The following UNC93A variants were observed in gnomAD, a reference collection of about 807,000 sequenced individuals.
UNC93A encodes the protein unc-93 homolog A, also known as N-acetylglucosamine transporter UNC93A.
Under a neutral mutation model 47.5 loss-of-function variants are expected in UNC93A, and 43 were observed. That is an observed-to-expected ratio of 0.91 (90% CI 0.71 to 1.17). The LOEUF is 1.17. Ranked by LOEUF, UNC93A falls within the 50% of genes most tolerant of loss-of-function variation. The pLI is 0.00. For synonymous variants in UNC93A, 280 were observed against 258.0 expected, an observed-to-expected ratio of 1.09 and a Z score of -0.82; for missense variants, 605 against 577.6, an observed-to-expected ratio of 1.05 and a Z score of -0.49.
At chr6:167,276,654 C>T (rs1783548571) in intron 1 of UNC93A, among the ~76,000 whole-genome samples, 2 of 152,108 alleles carry the variant, frequency 1.3e-5, no homozygotes, top group Admixed American at 1.3e-4. Flanking sequence ...CTGTGCTCCT[C>T]CTTCAGCTGT....
intron 7 of UNC93A, among the ~76,000 whole-genome samples, chr6:167,313,159 T>C (rs1268165577): frequency 6.6e-6 from 1 of 152,182 alleles, no homozygotes; most frequent in Non-Finnish European, 1.5e-5. Flanking sequence ...CTCCATTCTG[T>C]TTTGTGGCCA....
chr6:167,305,133 T>C (rs1778347228), intron 5 of UNC93A, among the ~76,000 whole-genome samples: 1 of 151,992 alleles, frequency 6.6e-6, no homozygotes, highest in African/African-American at 2.4e-5. Context: ...GCTGCCAACT[T>C]AGCAAGATAA....
Position 167,284,573 on chromosome 6 carries a change from C to T in UNC93A, c.-51-6866C>T, listed in dbSNP as rs765568703. Among the ~76,000 whole-genome samples the T allele has an allele frequency of 2.8e-3, 422 of 151,736 alleles. 2 individuals are homozygous for T. The highest frequency in any genetic ancestry group is 4.7e-3 in the Non-Finnish European group (315 of 67,522). On this transcript the variant is annotated intron_variant, in intron 1 of 3. Transcript: ENST00000503433. ...ATTAGGTTTATCCACACAGAGCTCA[C>T]GTTGCCCACTTGAGTAGATACTGAT...
rs371567332 is a variant in UNC93A, at chr6:167,306,063, G to A, written c.976+13G>A. 5.0e-5 allele frequency: 80 copies of A among 1,613,652 alleles called. No individual in the cohort carries two copies. Among genetic ancestry groups the A allele is most frequent in the African/African-American group, 1.1e-4 (8 of 74,900 alleles). ...CTGTACGTGCTGGGTAGGTATCAGCGTGGGTCCCATCCCAGCTGTCATAAC... is the reference window on the plus strand; with the variant it reads ...CTGTACGTGCTGGGTAGGTATCAGCATGGGTCCCATCCCAGCTGTCATAAC... On this transcript the variant is annotated intron_variant, in intron 6 of 7. Coordinates refer to ENST00000230256, the MANE Select transcript of UNC93A (RefSeq NM_018974.4).
chr6:167,275,329 G>A (rs550618130), intron 1 of UNC93A, among the ~76,000 whole-genome samples: 16 of 152,342 alleles, frequency 1.1e-4, no homozygotes, highest in Non-Finnish European at 1.3e-4. Context: ...CCTCAGTGGC[G>A]TTTGGCAACG....
chr6:167,279,339 C>T (rs1255161016), intron 1 of UNC93A, among the ~76,000 whole-genome samples: 1 of 152,190 alleles, frequency 6.6e-6, no homozygotes, highest in Non-Finnish European at 1.5e-5. Flanking sequence ...AAAAAAACAG[C>T]TTTCTCTCCA....
chr6:167,276,677 A>G (rs59327113), intron 1 of UNC93A, among the ~76,000 whole-genome samples: 6,052 of 152,148 alleles, frequency 0.04, 200 homozygotes, highest in African/African-American at 0.08. Flanking sequence ...GATCCAAGGC[A>G]TGGTTTATTC....
intron 7 of UNC93A, among the ~76,000 whole-genome samples, chr6:167,310,127 CTG>C (rs1778517194): frequency 6.6e-6 from 1 of 152,258 alleles, no homozygotes; most frequent in South Asian, 2.1e-4. Context: ...TTTGTTTAAA[CTG>C]TCCCCTGGAT....
intron 4 of UNC93A, among the ~76,000 whole-genome samples, chr6:167,302,988 C>T (rs1338337757): frequency 6.6e-6 from 1 of 152,206 alleles, no homozygotes; most frequent in East Asian, 1.9e-4. Flanking sequence ...ACCATAGATG[C>T]TCCCCGGGCC....
At chr6:167,295,673 G>GTGCTCCTCGCCTC (rs1562350551) in intron 2 of UNC93A, among the ~76,000 whole-genome samples, 1 of 36,198 alleles carries the variant, frequency 2.8e-5, no homozygotes, top group African/African-American at 1.2e-4. Flanking sequence ...ATCCTCGCCT[G>GTGCTCCTCGCCTC]CCTCGTGCTC....
upstream of UNC93A, among the ~76,000 whole-genome samples, chr6:167,289,001 A>G (rs564278829): frequency 2.6e-5 from 4 of 152,422 alleles, no homozygotes; most frequent in South Asian, 8.3e-4. Context: ...GTTAATTTTA[A>G]GGACTGAAGT....
At chr6:167,300,513 C>T (rs1486935356) in intron 4 of UNC93A, among the ~76,000 whole-genome samples, 5 of 152,088 alleles carry the variant, frequency 3.3e-5, no homozygotes, top group Admixed American at 6.5e-5. Context: ...GCTGTTGATG[C>T]CCATCAGGCG....
chr6:167,294,155 C>T (rs570690928), intron 1 of UNC93A, among the ~76,000 whole-genome samples: 1 of 152,174 alleles, frequency 6.6e-6, no homozygotes, highest in Non-Finnish European at 1.5e-5. Context: ...AGGCTCCTCA[C>T]AGATGAGTTC....
intron 1 of UNC93A, among the ~76,000 whole-genome samples, chr6:167,293,382 C>T (rs972560693): frequency 5.3e-5 from 8 of 152,160 alleles, no homozygotes; most frequent in Non-Finnish European, 1.2e-4. Context: ...CACTCCAGCT[C>T]CACCCTGGTT....
At chr6:167,297,305 A>G (rs1778114970) in intron 3 of UNC93A, among the ~76,000 whole-genome samples, 1 of 151,818 alleles carries the variant, frequency 6.6e-6, no homozygotes. Context: ...TCAGCTGCAC[A>G]TCTCACCCAC....
intron 5 of UNC93A, among the ~76,000 whole-genome samples, 191 bp downstream of exon 5, chr6:167,304,324 T>C (rs1778322203): frequency 6.6e-6 from 1 of 152,150 alleles, no homozygotes; most frequent in African/African-American, 2.4e-5. Context: ...TCCAAGTAAC[T>C]TCCAACTCAC....
Position 167,296,340 on chromosome 6 carries a change from G to A in UNC93A, c.499+79G>A, listed in dbSNP as rs544961028. ...ATGGGGGAGAGGGTTCCTGATTTCA[G>A]TTGCACACCTGCCTTGATTCTGTAA... On this transcript the variant is annotated intron_variant, in intron 3 of 7. Coordinates refer to ENST00000230256, the MANE Select transcript of UNC93A (RefSeq NM_018974.4). 2.0e-5 allele frequency: 29 copies of A among 1,433,870 alleles called. 1 individual carries two copies. In the African/African-American group the frequency reaches 3.6e-4, roughly 18 times the overall value. 88.8% of individuals were successfully genotyped at this position (1,433,870 alleles called of 1,614,324 possible).
intron 4 of UNC93A, among the ~76,000 whole-genome samples, chr6:167,301,518 G>C (rs1371438439): frequency 6.6e-6 from 1 of 152,170 alleles, no homozygotes; most frequent in Non-Finnish European, 1.5e-5. Flanking sequence ...TGCATTCATA[G>C]TCAAGTTTCT....
intron 1 of UNC93A, among the ~76,000 whole-genome samples, chr6:167,292,237 G>A (rs1337380124): frequency 6.6e-6 from 1 of 152,164 alleles, no homozygotes; most frequent in Non-Finnish European, 1.5e-5. Flanking sequence ...GGGCTGGTCA[G>A]GAAGCAGGGC....
Sources: allele counts gnomAD v4.1 joint callset (sites outside exome capture counted in the v4.1 genomes callset), GRCh38; gene constraint gnomAD v4.1.1; transcripts MANE v1.5; gene names NCBI Gene and HGNC (gene_info 2026-07-23, HGNC 2026-07-21).